CHODL: variants seen among roughly 807,000 people sequenced by gnomAD.
The protein encoded by CHODL is chondrolectin.
A neutral mutation model predicts 34.5 loss-of-function variants in CHODL; 29 were observed. The ratio of observed to expected loss-of-function variants is 0.84; its 90% confidence interval spans 0.63 to 1.15. The LOEUF (loss-of-function observed/expected upper bound fraction) is 1.15, where lower values mean the gene tolerates loss of function less well. Among genes scored for constraint, CHODL ranks in the 50% most tolerant of loss-of-function variants. The pLI is 0.00. For synonymous variants in CHODL, 125 were observed against 116.1 expected (o/e 1.08, Z -0.49); for missense variants, 332 against 332.5 (o/e 1.00, Z 0.01).
At chr21:18,230,047 T>C (rs765536827) in intron 2 of CHODL, among the ~76,000 whole-genome samples, 4 of 152,244 alleles carry the variant, frequency 2.6e-5, no homozygotes, top group Non-Finnish European at 5.9e-5. Flanking sequence ...TTTTGCGCAG[T>C]CATACAGTGT....
At chr21:17,966,031 T>C (rs1177881688) in intron 1 of CHODL, among the ~76,000 whole-genome samples, 5 of 151,888 alleles carry the variant, frequency 3.3e-5, no homozygotes, top group Admixed American at 3.3e-4. Context: ...TATTGAAATA[T>C]AATTTCTTAA....
chr21:17,934,283 A>G (rs1468662439), intron 1 of CHODL, among the ~76,000 whole-genome samples: 1 of 152,114 alleles, frequency 6.6e-6, no homozygotes, highest in Non-Finnish European at 1.5e-5. Context: ...AGTAGAACAC[A>G]TGAAAGAAAA....
rs111779659 is a variant in CHODL, at chr21:18,217,652, G to C, written c.-44-38857G>C. Among the ~76,000 whole-genome samples, 889 of 152,130 alleles carry C rather than the reference G, an allele frequency of 5.8e-3. 10 individuals are homozygous for C. The highest frequency in any genetic ancestry group is 0.02 in the African/African-American group (839 of 41,492). ...ATCCTTACATTTCAAAACCAATTAT[G>C]CCTTCCCAACAGTCCCCCAAAGTCT... On this transcript the variant is annotated intron_variant, in intron 2 of 6. Transcript: ENST00000400127.
At chr21:18,136,809 C>CAT (rs1202309706) in intron 2 of CHODL, among the ~76,000 whole-genome samples, 2 of 138,804 alleles carry the variant, frequency 1.4e-5, no homozygotes, top group Admixed American at 7.4e-5. Context: ...ATCATATATC[C>CAT]ATATATATAT....
At chr21:18,135,549 T>C (rs1455661644) in intron 2 of CHODL, among the ~76,000 whole-genome samples, 1 of 152,148 alleles carries the variant, frequency 6.6e-6, no homozygotes, top group Non-Finnish European at 1.5e-5. Context: ...CTTCATCTGG[T>C]CAATCCCTTC....
intron 1 of CHODL, among the ~76,000 whole-genome samples, chr21:17,995,910 C>G (rs2063844595): frequency 6.6e-6 from 1 of 152,326 alleles, no homozygotes; most frequent in South Asian, 2.1e-4. Context: ...GAAAGTATCT[C>G]CTACATCTGT....
At chr21:18,096,744 G>T (rs1343183155) in intron 2 of CHODL, among the ~76,000 whole-genome samples, 3 of 152,132 alleles carry the variant, frequency 2.0e-5, no homozygotes, top group Non-Finnish European at 4.4e-5. Flanking sequence ...CTGGCCTTGT[G>T]ATCTTGCTCT....
intron 2 of CHODL, among the ~76,000 whole-genome samples, chr21:18,060,090 C>A (rs1273016980): frequency 6.6e-6 from 1 of 152,102 alleles, no homozygotes; most frequent in Non-Finnish European, 1.5e-5. Flanking sequence ...GAAGTCCCCC[C>A]ACTGATCGCT....
At chr21:18,030,070 T>C (rs745575997) in intron 2 of CHODL, among the ~76,000 whole-genome samples, 2 of 152,132 alleles carry the variant, frequency 1.3e-5, no homozygotes, top group Admixed American at 6.6e-5. Context: ...CACTGATTCT[T>C]GTGCCCTCGA....
chr21:18,105,571 GTTCTCA>G (rs1366078520), intron 2 of CHODL, among the ~76,000 whole-genome samples: 1 of 152,126 alleles, frequency 6.6e-6, no homozygotes, highest in East Asian at 1.9e-4. Context: ...GGTAGCAGTG[GTTCTCA>G]ATTTTGGCTG....
At chr21:18,123,949 G>A (rs1347024038) in intron 2 of CHODL, among the ~76,000 whole-genome samples, 3 of 152,184 alleles carry the variant, frequency 2.0e-5, no homozygotes, top group Non-Finnish European at 2.9e-5. Flanking sequence ...TTGGGAGGCC[G>A]AGGCGGGCGG....
At chr21:18,062,114 C>T (rs1325121155) in intron 2 of CHODL, among the ~76,000 whole-genome samples, 1 of 152,066 alleles carries the variant, frequency 6.6e-6, no homozygotes, top group Admixed American at 6.6e-5. Context: ...TAAAGAACCA[C>T]CAGACAGTAA....
intron 2 of CHODL, among the ~76,000 whole-genome samples, chr21:18,235,937 A>G (rs1278122995): frequency 6.6e-6 from 1 of 152,154 alleles, no homozygotes; most frequent in Non-Finnish European, 1.5e-5. Flanking sequence ...TGTCCAGTGT[A>G]TTTACATCAT....
intron 2 of CHODL, among the ~76,000 whole-genome samples, chr21:18,153,223 A>G (rs911014043): frequency 1.3e-5 from 2 of 152,170 alleles, no homozygotes; most frequent in African/African-American, 4.8e-5. Context: ...AGGTGTCAGC[A>G]GAGCTGATTT....
intron 2 of CHODL, among the ~76,000 whole-genome samples, chr21:18,145,185 C>T (rs374732605): frequency 4.6e-5 from 7 of 150,766 alleles, no homozygotes; most frequent in Admixed American, 3.3e-4. Flanking sequence ...GCCTGTAATC[C>T]CAGCACTTTG....
chr21:17,953,398 TAG>T (rs1255537645), intron 1 of CHODL, among the ~76,000 whole-genome samples: 1 of 151,966 alleles, frequency 6.6e-6, no homozygotes, highest in Non-Finnish European at 1.5e-5. Context: ...GTCCAGGAGT[TAG>T]AGACTACAGT....
intron 2 of CHODL, among the ~76,000 whole-genome samples, chr21:18,168,167 T>G (rs1237772075): frequency 6.6e-6 from 1 of 152,204 alleles, no homozygotes; most frequent in African/African-American, 2.4e-5. Flanking sequence ...CCCTGTTGGC[T>G]TCACTACTTT....
intron 1 of CHODL, among the ~76,000 whole-genome samples, chr21:18,000,148 G>A (rs1003536662): frequency 6.6e-6 from 1 of 152,030 alleles, no homozygotes; most frequent in Non-Finnish European, 1.5e-5. Context: ...TATTTTGATG[G>A]TCTGGCAATT....
intron 1 of CHODL, among the ~76,000 whole-genome samples, chr21:18,005,942 G>A (rs1308377288): frequency 2.0e-5 from 3 of 152,130 alleles, no homozygotes; most frequent in Non-Finnish European, 4.4e-5. Context: ...CAATTTCCAC[G>A]TTTCATGGGG....
Sources: allele counts gnomAD v4.1 joint callset (sites outside exome capture counted in the v4.1 genomes callset), GRCh38; gene constraint gnomAD v4.1.1; transcripts MANE v1.5; gene names NCBI Gene and HGNC (gene_info 2026-07-23, HGNC 2026-07-21).